SPATA22: variants seen among roughly 807,000 people sequenced by gnomAD.
The protein encoded by SPATA22 is spermatogenesis associated 22, also known as spermatogenesis-associated protein 22.
Under a neutral mutation model 47.8 loss-of-function variants are expected in SPATA22, and 29 were observed. That is an observed-to-expected ratio of 0.61 (90% CI 0.45 to 0.83). The LOEUF (loss-of-function observed/expected upper bound fraction) is 0.83, where lower values mean the gene tolerates loss of function less well. Ranked by LOEUF, SPATA22 falls within the 40% of genes least tolerant of loss-of-function variation. SPATA22 has a pLI of 0.00. For synonymous variants in SPATA22, 133 were observed against 140.9 expected (o/e 0.94, Z 0.40); for missense variants, 410 against 421.7 (o/e 0.97, Z 0.24).
At chr17:3,484,236 A>G (rs1415161078) in intron 1 of SPATA22, among the ~76,000 whole-genome samples, 2 of 152,188 alleles carry the variant, frequency 1.3e-5, no homozygotes, top group East Asian at 3.8e-4. Flanking sequence ...TACTCCAGAA[A>G]TGTGTACATT....
intron 1 of SPATA22, among the ~76,000 whole-genome samples, chr17:3,494,852 T>G (rs542808254): frequency 2.6e-5 from 4 of 152,198 alleles, no homozygotes; most frequent in African/African-American, 9.6e-5. Flanking sequence ...ATGTCTATTT[T>G]AATATAAGGA....
chr17:3,484,755 G>A (rs2029352), intron 1 of SPATA22, among the ~76,000 whole-genome samples: 41,707 of 151,842 alleles, frequency 0.27, 6,189 homozygotes, highest in East Asian at 0.57. Context: ...TACATATCTC[G>A]CCTGGGACCA....
chr17:3,490,378 T>C lies in SPATA22; in HGVS notation c.-73-20980A>G, dbSNP rs1421481964. 6.6e-6 allele frequency among the ~76,000 whole-genome samples: 1 copy of C among 152,220 alleles called. No homozygotes were observed. The highest frequency in any genetic ancestry group is 1.5e-5 in the Non-Finnish European group (1 of 68,034). ...TATTAGTTATAAAAAAAGTTTACTT[T>C]AAAATGGAAAATAGTTGCTTAAAAT... On this transcript the variant is annotated intron_variant, in intron 1 of 8. Coordinates refer to the SPATA22 transcript ENST00000541913. The surrounding 1 kb of genome is among the most constrained non-coding windows in gnomAD (Gnocchi z 4.6).
At chr17:3,505,531 A>T (rs2074032489) in intron 1 of SPATA22, among the ~76,000 whole-genome samples, 1 of 152,136 alleles carries the variant, frequency 6.6e-6, no homozygotes, top group Non-Finnish European at 1.5e-5. Context: ...AACCACATAC[A>T]GGCAGTGCTC....
At chr17:3,462,797 G>A (rs1463240544) in intron 3 of SPATA22, 30 bp from the exon 4 acceptor site, 1 of 1,474,896 alleles carries the variant, frequency 6.8e-7, no homozygotes, top group East Asian at 2.3e-5. Flanking sequence ...ATAGATAAAA[G>A]TAAGATAGGT....
At position 3,445,519 on chromosome 17, in the gene SPATA22, C is replaced by T. The variant is rs78619782; in HGVS notation, c.802+953G>A. Among the ~76,000 whole-genome samples the T allele has an allele frequency of 9.1e-3, 1,381 of 152,230 alleles. 22 individuals carry two copies. The highest frequency in any genetic ancestry group is 0.031 in the African/African-American group (1,279 of 41,552). ...GCACTGTGATACCCTGAGTATAGAA[C>T]GCAGTCAAGCCCACATGGACTTCTG... On this transcript the variant is annotated intron_variant, in intron 7 of 8. Coordinates refer to ENST00000572969, the MANE Select transcript of SPATA22 (RefSeq NM_001170698.2).
At chr17:3,501,095 G>A (rs1485848703) in intron 1 of SPATA22, 2 of 152,050 alleles carry the variant, frequency 1.3e-5, no homozygotes, top group African/African-American at 2.4e-5. Flanking sequence ...GGATCAAGGC[G>A]TCATTGTGAC....
Position 3,491,057 on chromosome 17 carries a change from T to C in SPATA22, c.-73-21659A>G, listed in dbSNP as rs537843224. 3.9e-5 allele frequency among the ~76,000 whole-genome samples: 6 copies of C among 152,278 alleles called. No individual in the cohort carries two copies. In the South Asian group the frequency reaches 1.0e-3, roughly 26 times the overall value. On this transcript the variant is annotated intron_variant, in intron 1 of 8. Transcript: ENST00000541913. ...GCCATGTGAAAAGTCTGAAGAAGTG[T>C]GTAGAAGGGCTTCATTCTTGACTCT...
chr17:3,455,902 C>T (rs374505391), intron 5 of SPATA22, among the ~76,000 whole-genome samples: 1 of 152,020 alleles, frequency 6.6e-6, no homozygotes, highest in African/African-American at 2.4e-5. Flanking sequence ...GCCATTTTCA[C>T]GATATTGATT....
At chr17:3,458,513 T>TA (rs747693454) in intron 5 of SPATA22, among the ~76,000 whole-genome samples, 2 of 152,282 alleles carry the variant, frequency 1.3e-5, no homozygotes, top group African/African-American at 2.4e-5. Flanking sequence ...CTCAAAGAGA[T>TA]ATCTGCATTT....
At chr17:3,443,045 A>C (rs1213939927) in intron 8 of SPATA22, 129 bp downstream of exon 8, 1 of 645,140 alleles carries the variant, frequency 1.6e-6, no homozygotes, top group Non-Finnish European at 2.6e-6. Context: ...AACAACTTTC[A>C]TATCAGAACT....
Position 3,440,377 on chromosome 17 carries a change from C to T in SPATA22, c.901-39G>A, listed in dbSNP as rs769538529. ...AATAAGTATCAAAAAATAGTTATTA[C>T]TTCATCTGAATTTCAATTTTTTAAA... On this transcript the variant is annotated intron_variant, in intron 8 of 8. Coordinates refer to ENST00000572969, the MANE Select transcript of SPATA22 (RefSeq NM_001170698.2). The T allele has an allele frequency of 2.7e-6, 4 of 1,457,858 alleles. No homozygotes were observed. In the South Asian group the frequency reaches 5.6e-5, roughly 20 times the overall value. 90.3% of individuals were successfully genotyped at this position (1,457,858 alleles called of 1,614,324 possible).
At chr17:3,471,911 C>T (rs1043664510), upstream of SPATA22, 6 of 971,364 alleles carry the variant, frequency 6.2e-6, no homozygotes, top group Non-Finnish European at 7.3e-6. Flanking sequence ...CGCCCTTGGC[C>T]GGGCGCGATG....
chr17:3,472,466 A>G (rs2073457467), upstream of SPATA22: 2 of 152,588 alleles, frequency 1.3e-5, no homozygotes, highest in South Asian at 2.1e-4. Context: ...ACCTTGGGCA[A>G]GTTACTTACT....
At chr17:3,506,644 T>C (rs1276819775) in intron 1 of SPATA22, among the ~76,000 whole-genome samples, 2 of 152,148 alleles carry the variant, frequency 1.3e-5, no homozygotes, top group Non-Finnish European at 2.9e-5. Context: ...AGGAGTTTTC[T>C]TGCTCTAAGT....
chr17:3,452,134 T>C lies in SPATA22; in HGVS notation c.330-2985A>G, dbSNP rs549444846. On this transcript the variant is annotated intron_variant, in intron 5 of 8. Coordinates refer to ENST00000572969, the MANE Select transcript of SPATA22 (RefSeq NM_001170698.2). ...CAAAAGCAGTACTAAGGGGAGTTTA[T>C]AGCAATGAATGCCCAAGTGGAAATA... 8.6e-5 allele frequency among the ~76,000 whole-genome samples: 13 copies of C among 151,866 alleles called. No homozygotes were observed. In the East Asian group the frequency reaches 9.7e-4, roughly 11 times the overall value.
intron 1 of SPATA22, among the ~76,000 whole-genome samples, chr17:3,471,133 C>A (rs1010821764): frequency 8.7e-5 from 13 of 149,238 alleles, no homozygotes; most frequent in African/African-American, 3.0e-4. Context: ...CCAGCCTGGG[C>A]GACAGAGCGA....
chr17:3,457,885 A>G (rs576624593), intron 5 of SPATA22, among the ~76,000 whole-genome samples: 57 of 152,312 alleles, frequency 3.7e-4, no homozygotes, highest in African/African-American at 1.3e-3. Flanking sequence ...AAAAACGCAG[A>G]GAACAAGCTC....
chr17:3,485,774 C>G lies in SPATA22; in HGVS notation c.-73-16376G>C, dbSNP rs1308321572. ...TCTGAGTGGATGCCAGTAGAAGACA[C>G]AAGACTCCTAAAACAGAGACAAAGA... On this transcript the variant is annotated intron_variant, in intron 1 of 8. Coordinates refer to the SPATA22 transcript ENST00000541913. The surrounding 1 kb of genome is among the most constrained non-coding windows in gnomAD (Gnocchi z 4.4). Among the ~76,000 whole-genome samples, 1 of 152,158 alleles carries G rather than the reference C, an allele frequency of 6.6e-6. No homozygotes were observed. The highest frequency in any genetic ancestry group is 2.4e-5 in the African/African-American group (1 of 41,438).
Sources: gnomAD v4.1 joint callset for allele counts (sites outside exome capture counted in the v4.1 genomes callset) on GRCh38, gnomAD v4.1.1 for gene constraint, Gnocchi (gnomAD v3.1) non-coding constraint, MANE v1.5 for transcripts, NCBI Gene and HGNC (gene_info 2026-07-23, HGNC 2026-07-21) for gene names.